Variants in SCTR observed in about 807,000 individuals in gnomAD.
The protein encoded by SCTR is secretin receptor.
SCTR carries 56 observed loss-of-function variants against 60.8 expected under a neutral mutation model. That is an observed-to-expected ratio of 0.92 (90% CI 0.74 to 1.15). SCTR has a LOEUF of 1.15. Among genes scored for constraint, SCTR ranks in the 50% most tolerant of loss-of-function variants. The probability of loss-of-function intolerance (pLI) is 0.00; values close to 1 mark genes in which losing one functional copy is unlikely to be tolerated. For synonymous variants in SCTR, 202 were observed against 217.0 expected (o/e 0.93, Z 0.61); for missense variants, 562 against 550.4 (o/e 1.02, Z -0.21).
In SCTR at chr2:119,466,363, T is replaced by C. The variant is rs549629169; in HGVS notation, c.406-477A>G. ...TCTTTTATATAAGGCAGGTTTTATA[T>C]AGAAAAGTTACAAAGGTCATACAGG... is the stretch of plus-strand genomic sequence containing the variant. On this transcript the variant is annotated intron_variant, in intron 4 of 12. Coordinates refer to ENST00000019103, the MANE Select transcript of SCTR (RefSeq NM_002980.3). 1.5e-3 allele frequency among the ~76,000 whole-genome samples: 226 copies of C among 152,320 alleles called. 1 individual carries two copies. Among genetic ancestry groups the C allele is most frequent in the African/African-American group, 5.3e-3 (221 of 41,574 alleles).
At chr2:119,513,980 A>C (rs558012093) in intron 1 of SCTR, among the ~76,000 whole-genome samples, 107 of 152,344 alleles carry the variant, frequency 7.0e-4, no homozygotes, top group African/African-American at 2.3e-3. Flanking sequence ...AGAAGTGCTT[A>C]AGTTGTAAAC....
chr2:119,494,278 C>T, intron 2 of SCTR, 150 bp downstream of exon 2: 1 of 819,726 alleles, frequency 1.2e-6, no homozygotes, highest in Non-Finnish European at 1.9e-6. Context: ...AGAACCACTC[C>T]AGCCCTGCCC....
At chr2:119,450,501 C>T (rs530740409) in intron 9 of SCTR, among the ~76,000 whole-genome samples, 24 of 151,520 alleles carry the variant, frequency 1.6e-4, no homozygotes, top group African/African-American at 5.1e-4. Context: ...AACAGGAAAG[C>T]TCACATCTAT....
At chr2:119,510,252 C>T (rs1056479258) in intron 1 of SCTR, among the ~76,000 whole-genome samples, 1 of 151,876 alleles carries the variant, frequency 6.6e-6, no homozygotes, top group Non-Finnish European at 1.5e-5. Context: ...TTGTTTTGCC[C>T]TTGATCCTTC....
At chr2:119,480,922 G>A (rs760603837) in intron 2 of SCTR, 20 of 152,506 alleles carry the variant, frequency 1.3e-4, no homozygotes, top group Non-Finnish European at 2.6e-4. Flanking sequence ...CGGCCGACCC[G>A]GCCTCCAGGC....
intron 6 of SCTR, 37 bp downstream of exon 6, chr2:119,464,086 G>T (rs200620540): frequency 1.9e-6 from 3 of 1,611,524 alleles, no homozygotes; most frequent in Non-Finnish European, 2.5e-6. Flanking sequence ...GAAGGCAGGC[G>T]GGCCTGGCGA....
intron 9 of SCTR, among the ~76,000 whole-genome samples, chr2:119,450,180 G>T (rs1683107905): frequency 6.7e-6 from 1 of 149,256 alleles, no homozygotes; most frequent in Non-Finnish European, 1.5e-5. Flanking sequence ...AACAAGGAAA[G>T]AAAGAAAGTC....
Position 119,439,963 on chromosome 2 carries a change from A to G in SCTR, c.*154T>C. The G allele has an allele frequency of 1.3e-6, 1 of 754,888 alleles. No individual in the cohort carries two copies. 46.8% of individuals were successfully genotyped at this position (754,888 alleles called of 1,614,324 possible). On this transcript the variant is annotated 3_prime_UTR_variant, in exon 13 of 13. Transcript: ENST00000019103. ...CTTGTCCTGCCCCACAGTGCCTCAC[A>G]TCCCTTCGGAAGAGTCCAAGGCCTG...
rs1682596318 is a variant in SCTR at position 119,440,064 on chromosome 2, C to G, written c.*53G>C. 2 of 1,568,022 alleles carry G rather than the reference C, an allele frequency of 1.3e-6. No homozygotes were observed. On this transcript the variant is annotated 3_prime_UTR_variant, in exon 13 of 13. Coordinates refer to ENST00000019103, the MANE Select transcript of SCTR (RefSeq NM_002980.3). ...CTGGCTGTCCCACAGCAGTGCCCAG[C>G]CTTCGCAGGACCTCTCTTGGTCTCT...
At chr2:119,481,443 G>T (rs1677596755) in intron 2 of SCTR, among the ~76,000 whole-genome samples, 2 of 152,196 alleles carry the variant, frequency 1.3e-5, no homozygotes, top group South Asian at 4.1e-4. Context: ...TGTGAGACCA[G>T]ACCCAGGAAT....
At chr2:119,518,559 G>A (rs567826558) in intron 1 of SCTR, among the ~76,000 whole-genome samples, 15 of 152,168 alleles carry the variant, frequency 9.9e-5, no homozygotes, top group Non-Finnish European at 2.1e-4. Context: ...TGGAACAGAC[G>A]CACAATGTAG....
chr2:119,452,168 G>C, intron 8 of SCTR, 89 bp from the exon 9 acceptor site: 2 of 774,410 alleles, frequency 2.6e-6, no homozygotes, highest in South Asian at 1.5e-5. Context: ...GGTGGCCCTT[G>C]GTATGAAGGA....
intron 1 of SCTR, among the ~76,000 whole-genome samples, chr2:119,512,429 C>T (rs1222340540): frequency 6.7e-6 from 1 of 149,368 alleles, no homozygotes; most frequent in Non-Finnish European, 1.5e-5. Flanking sequence ...TGGAGTCCCG[C>T]TCTATTTCCC....
chr2:119,477,967 T>A (rs1412568519), intron 3 of SCTR, among the ~76,000 whole-genome samples: 2 of 152,228 alleles, frequency 1.3e-5, no homozygotes, highest in Admixed American at 6.5e-5. Flanking sequence ...CATGTGCGTA[T>A]GTACAGCAGA....
chr2:119,448,803 G>A lies in SCTR; in HGVS notation c.922-23C>T, dbSNP rs756134353. 6 of 1,339,318 alleles carry A rather than the reference G, an allele frequency of 4.5e-6. No individual in the cohort carries two copies. The South Asian group carries it at 7.1e-5, about 16-fold the overall frequency. The allele number at this position is 1,339,318 out of a possible 1,614,324, so 83.0% of individuals were successfully genotyped here. A position where few individuals can be genotyped will look rare whatever the true frequency, so the allele number is the denominator to read the frequency against. On this transcript the variant is annotated intron_variant, in intron 9 of 12. Coordinates refer to ENST00000019103, the MANE Select transcript of SCTR (RefSeq NM_002980.3). ...AATCTGCAAAACACAAGGCAGAGGT[G>A]GGGCTGAAGGCATCTTGCTTTTCCA...
At chr2:119,465,966 G>T in intron 4 of SCTR, 80 bp from the exon 5 acceptor site, 1 of 1,035,342 alleles carries the variant, frequency 9.7e-7, no homozygotes. Flanking sequence ...TCCGCTTCAG[G>T]CAGCTTGAAC....
At chr2:119,467,344 A>C (rs997970484) in intron 4 of SCTR, among the ~76,000 whole-genome samples, 1 of 151,436 alleles carries the variant, frequency 6.6e-6, no homozygotes, top group Non-Finnish European at 1.5e-5. Context: ...GCACCACTGC[A>C]CTCCAGCCTG....
At chr2:119,522,942 A>G (rs573382514) in intron 1 of SCTR, among the ~76,000 whole-genome samples, 1 of 152,340 alleles carries the variant, frequency 6.6e-6, no homozygotes, top group Non-Finnish European at 1.5e-5. Context: ...GGGAGCTCCA[A>G]GCAAGCTCCA....
chr2:119,482,887 T>C (rs1677694262), intron 2 of SCTR, among the ~76,000 whole-genome samples: 1 of 152,178 alleles, frequency 6.6e-6, no homozygotes, highest in Non-Finnish European at 1.5e-5. Context: ...TGTGCGGCCG[T>C]CTCAGGGTTG....
Sources: allele counts gnomAD v4.1 joint callset (sites outside exome capture counted in the v4.1 genomes callset), GRCh38; gene constraint gnomAD v4.1.1; transcripts MANE v1.5; gene names NCBI Gene and HGNC (gene_info 2026-07-23, HGNC 2026-07-21).